SLC15A1: variants seen among roughly 807,000 people sequenced by gnomAD.
The protein encoded by SLC15A1 is solute carrier family 15 member 1.
A neutral mutation model predicts 92.9 loss-of-function variants in SLC15A1; 83 were observed. The ratio of observed to expected loss-of-function variants is 0.89; its 90% CI spans 0.75 to 1.07. The LOEUF is 1.07. Among genes scored for constraint, SLC15A1 ranks in the 50% least tolerant of loss-of-function variants. The pLI, the probability that SLC15A1 is intolerant of heterozygous loss-of-function variation, is 0.00. For synonymous variants in SLC15A1, 322 were observed against 318.2 expected (o/e 1.01, Z -0.13); for missense variants, 857 against 880.1 (o/e 0.97, Z 0.33).
At chr13:98,730,185 G>C (rs2088336418) in intron 1 of SLC15A1, among the ~76,000 whole-genome samples, 1 of 142,128 alleles carries the variant, frequency 7.0e-6, no homozygotes, top group Non-Finnish European at 1.5e-5. Context: ...AACTGAGCGA[G>C]ACTCCGTCTC....
intron 1 of SLC15A1, among the ~76,000 whole-genome samples, chr13:98,742,276 C>T (rs769935265): frequency 2.6e-5 from 4 of 152,246 alleles, no homozygotes; most frequent in African/African-American, 4.8e-5. Flanking sequence ...CAATGAGCCA[C>T]CTCCTACCTG....
At chr13:98,686,949 CTTTTT>C (rs11309992) in intron 21 of SLC15A1, among the ~76,000 whole-genome samples, 1 of 131,310 alleles carries the variant, frequency 7.6e-6, no homozygotes. Flanking sequence ...TCTTTTTCTT[CTTTTT>C]TTTTTTTTTT....
In SLC15A1 at chr13:98,684,817, G is replaced by T. The variant is rs181189989; in HGVS notation, c.2034C>A (p.Ile678=). 3.7e-6 allele frequency: 6 copies of T among 1,613,842 alleles called. No homozygotes were observed. Among genetic ancestry groups the T allele is most frequent in the Non-Finnish European group, 5.1e-6 (6 of 1,179,994 alleles). Residue 678 remains isoleucine (I), a synonymous_variant, in exon 23 of 23, where the codon ATC becomes ATA. Coordinates refer to ENST00000376503, the MANE Select transcript of SLC15A1 (RefSeq NM_005073.4). ...TTTCATCCTCATCAAATTGAGCTTC[G>T]ATCTCCGCTGGGTTGATGTAAGTAT... The part of the protein sequence containing the change: ...RFYTYINPAE[I]EAQFDEDEKK...
At chr13:98,694,486 G>T (rs1226927716) in intron 18 of SLC15A1, among the ~76,000 whole-genome samples, 1 of 151,946 alleles carries the variant, frequency 6.6e-6, no homozygotes, top group East Asian at 1.9e-4. Context: ...ATTTATAAAG[G>T]ATACCATACT....
intron 1 of SLC15A1, among the ~76,000 whole-genome samples, chr13:98,745,690 G>A (rs947328639): frequency 2.0e-5 from 3 of 152,166 alleles, no homozygotes; most frequent in Non-Finnish European, 4.4e-5. Context: ...CGGAGGGAGT[G>A]TGGCCCTGCT....
chr13:98,742,797 A>G (rs536013134), intron 1 of SLC15A1, among the ~76,000 whole-genome samples: 37 of 152,226 alleles, frequency 2.4e-4, no homozygotes, highest in Admixed American at 1.1e-3. Flanking sequence ...TATTTTTGAG[A>G]TAAGGTCTCA....
intron 10 of SLC15A1, 26 bp from the exon 11 acceptor site, chr13:98,711,969 A>T (rs1215741554): frequency 7.8e-6 from 12 of 1,532,114 alleles, no homozygotes; most frequent in Admixed American, 1.7e-5. Flanking sequence ...GGAAGGGACA[A>T]ATCAGCCACA....
chr13:98,693,475 A>AAACTAAC (rs201580325), intron 18 of SLC15A1, among the ~76,000 whole-genome samples: 1,629 of 152,184 alleles, frequency 0.011, 30 homozygotes, highest in African/African-American at 0.038. Flanking sequence ...ATTTCCCTAA[A>AAACTAAC]AACTTGGAGC....
chr13:98,728,666 T>G (rs2088321624), intron 1 of SLC15A1, among the ~76,000 whole-genome samples: 1 of 151,948 alleles, frequency 6.6e-6, no homozygotes, highest in African/African-American at 2.4e-5. Flanking sequence ...GTGACTACAG[T>G]TAACAAAAAT....
In SLC15A1 at chr13:98,712,558, A is replaced by T; in HGVS notation, c.750T>A (p.His250Gln). Residue 250 changes from histidine (H) to glutamine (Q), a missense_variant, in exon 10 of 23, where the codon CAT (histidine) becomes CAA (glutamine). By Grantham distance (24) the His-to-Gln change is conservative (BLOSUM62 0). Coordinates refer to ENST00000376503, the MANE Select transcript of SLC15A1 (RefSeq NM_005073.4). ...IGFAIKNRFR[H>Q]RSKAFPKREH... ...CCCTCTTGGGAAATGCCTTACTCCG[A>T]TGCCTAAATCTATTTTTGATGGCAA... 5 of 1,608,712 alleles carry T rather than the reference A, an allele frequency of 3.1e-6. No individual in the cohort carries two copies. Among genetic ancestry groups the T allele is most frequent in the Non-Finnish European group, 4.2e-6 (5 of 1,178,050 alleles).
intron 21 of SLC15A1, among the ~76,000 whole-genome samples, chr13:98,687,201 T>G (rs1481604983): frequency 6.6e-6 from 1 of 152,188 alleles, no homozygotes; most frequent in Non-Finnish European, 1.5e-5. Flanking sequence ...CAACCAAACC[T>G]ATCATGAGGA....
At chr13:98,707,460 C>T (rs769824871) in intron 15 of SLC15A1, among the ~76,000 whole-genome samples, 1 of 152,076 alleles carries the variant, frequency 6.6e-6, no homozygotes, top group African/African-American at 2.4e-5. Context: ...TTCATAGACT[C>T]AGAAAGTAGA....
At chr13:98,708,620 G>C in intron 15 of SLC15A1, 66 bp downstream of exon 15, 1 of 1,389,420 alleles carries the variant, frequency 7.2e-7, no homozygotes, top group Non-Finnish European at 1.0e-6. Context: ...GCTGAAGAAA[G>C]AAGATTCTGA....
Position 98,723,943 on chromosome 13 carries a change from C to T in SLC15A1, c.334G>A (p.Asp112Asn). The change falls in exon 5 of 23, where the codon GAT becomes AAT. Residue 112 changes from aspartate (D) to asparagine (N), a missense_variant. By Grantham distance (23) the Asp-to-Asn change is conservative (BLOSUM62 1). Transcript: ENST00000376503. Reference sequence around the variant, plus strand: ...ACAGGAAGGCTGTCGGGGGTGCCATCATGGTTGTGGTCTGTGAGGTCATTA... The same window carrying T: ...ACAGGAAGGCTGTCGGGGGTGCCATTATGGTTGTGGTCTGTGAGGTCATTA... ...SINDLTDHNH[D>N]GTPDSLPVHV... 1 of 1,614,168 alleles carries T rather than the reference C, an allele frequency of 6.2e-7. No individual in the cohort carries two copies. The highest frequency in any genetic ancestry group is 1.6e-4 in the Middle Eastern group (1 of 6,062).
intron 1 of SLC15A1, among the ~76,000 whole-genome samples, chr13:98,748,442 C>T (rs531361063): frequency 1.3e-5 from 2 of 152,232 alleles, no homozygotes; most frequent in South Asian, 4.2e-4. Flanking sequence ...AGGTGCGCAC[C>T]GCCATGCCCA....
At chr13:98,691,781 T>C (rs2087979503) in intron 18 of SLC15A1, among the ~76,000 whole-genome samples, 1 of 152,016 alleles carries the variant, frequency 6.6e-6, no homozygotes, top group South Asian at 2.1e-4. Context: ...CCAATGAAAA[T>C]GGAAAGCTTG....
intron 15 of SLC15A1, among the ~76,000 whole-genome samples, chr13:98,707,754 G>C (rs1251265330): frequency 1.3e-5 from 2 of 151,924 alleles, no homozygotes; most frequent in African/African-American, 2.4e-5. Context: ...AATTAGTCGA[G>C]TGTGGTGGTG....
chr13:98,752,638 C>A lies in SLC15A1; in HGVS notation c.-40G>T. Reference sequence around the variant, plus strand: ...GGGCTCCTGCGACCTGCCGGCGGGACGTGCTCCTGGCAGGTGCTACTCCTC... The same window carrying A: ...GGGCTCCTGCGACCTGCCGGCGGGAAGTGCTCCTGGCAGGTGCTACTCCTC... On this transcript the variant is annotated 5_prime_UTR_variant, in exon 1 of 23. Coordinates refer to ENST00000376503, the MANE Select transcript of SLC15A1 (RefSeq NM_005073.4). The A allele has an allele frequency of 8.0e-7, 1 of 1,249,372 alleles. No homozygotes were observed. Among genetic ancestry groups the A allele is most frequent in the East Asian group, 3.2e-5 (1 of 31,690 alleles). The allele number at this position is 1,249,372 out of a possible 1,614,324, so 77.4% of individuals were successfully genotyped here.
At chr13:98,733,774 C>T (rs1353831982) in intron 1 of SLC15A1, among the ~76,000 whole-genome samples, 1 of 152,200 alleles carries the variant, frequency 6.6e-6, no homozygotes, top group Non-Finnish European at 1.5e-5. Flanking sequence ...GGTGCTTACC[C>T]TCTGGGCTTC....
Sources: allele counts gnomAD v4.1 joint callset (sites outside exome capture counted in the v4.1 genomes callset), GRCh38; gene constraint gnomAD v4.1.1; transcripts MANE v1.5; gene names NCBI Gene and HGNC (gene_info 2026-07-23, HGNC 2026-07-21).